The following TEC variants were observed in gnomAD, a reference collection of about 807,000 sequenced individuals.
The protein encoded by TEC is tec protein tyrosine kinase.
In TEC, 72 loss-of-function variants were observed where a neutral mutation model predicts 93.0. The ratio of observed to expected loss-of-function variants is 0.77; its 90% CI spans 0.64 to 0.94. TEC has a LOEUF of 0.94. Among genes scored for constraint, TEC ranks in the 40% least tolerant of loss-of-function variants. TEC has a pLI of 0.00. For missense variants in TEC, 630 were observed against 757.9 expected, an observed-to-expected ratio of 0.83 and a Z score of 1.98; for synonymous variants, 249 against 247.7, an observed-to-expected ratio of 1.01 and a Z score of -0.05.
intron 1 of TEC, among the ~76,000 whole-genome samples, chr4:48,246,726 T>C (rs1303115644): frequency 6.6e-6 from 1 of 152,216 alleles, no homozygotes; most frequent in Non-Finnish European, 1.5e-5. Flanking sequence ...TTTGGACCTC[T>C]ACCTCACACC....
intron 2 of TEC, among the ~76,000 whole-genome samples, chr4:48,209,645 A>C (rs1722831386): frequency 6.6e-6 from 1 of 152,184 alleles, no homozygotes; most frequent in African/African-American, 2.4e-5. Context: ...ATCAAGCTTG[A>C]TGATATATTA....
At chr4:48,178,943 T>C (rs1721441881) in intron 2 of TEC, among the ~76,000 whole-genome samples, 1 of 152,212 alleles carries the variant, frequency 6.6e-6, no homozygotes, top group Non-Finnish European at 1.5e-5. Flanking sequence ...AAGGCTGTTA[T>C]CGAAAACATT....
At chr4:48,160,884 C>T (rs887406126) in intron 8 of TEC, among the ~76,000 whole-genome samples, 4 of 90,856 alleles carry the variant, frequency 4.4e-5, no homozygotes, top group East Asian at 7.0e-4. Context: ...TCAAAAGCAG[C>T]GGGTTGAAAA....
chr4:48,140,451 C>T (rs1284443502), intron 15 of TEC, among the ~76,000 whole-genome samples: 1 of 152,184 alleles, frequency 6.6e-6, no homozygotes, highest in Non-Finnish European at 1.5e-5. Flanking sequence ...AAGTAGCCAC[C>T]CTCACTCTTG....
In TEC at chr4:48,252,426, T is replaced by C. The variant is rs181484384; in HGVS notation, c.-46+17326A>G. 2.0e-3 allele frequency among the ~76,000 whole-genome samples: 310 copies of C among 152,314 alleles called. 1 individual carries two copies. Among genetic ancestry groups the C allele is most frequent in the Non-Finnish European group, 3.6e-3 (244 of 68,030 alleles). Reference sequence around the variant, plus strand: ...ATTTTCAAGCATTTCAAGTTGTCCCTTCTTACCAAGAAAGAAATGAGCACA... The same window carrying C: ...ATTTTCAAGCATTTCAAGTTGTCCCCTCTTACCAAGAAAGAAATGAGCACA... On this transcript the variant is annotated intron_variant, in intron 1 of 17. Transcript: ENST00000381501.
In TEC at chr4:48,213,338, G is replaced by A. The variant is rs571304756; in HGVS notation, c.138+15139C>T. 6.6e-5 allele frequency among the ~76,000 whole-genome samples: 10 copies of A among 152,266 alleles called. No individual in the cohort carries two copies. The South Asian group carries it at 1.7e-3, about 25-fold the overall frequency. On this transcript the variant is annotated intron_variant, in intron 2 of 17. Coordinates refer to ENST00000381501, the MANE Select transcript of TEC (RefSeq NM_003215.3). ...GGGGCTTACCAATGTAGAATCATGCGAAACTTTGAGAAAGTTTTCTAATAT... is the reference window on the plus strand; with the variant it reads ...GGGGCTTACCAATGTAGAATCATGCAAAACTTTGAGAAAGTTTTCTAATAT...
intron 2 of TEC, among the ~76,000 whole-genome samples, chr4:48,217,547 C>G (rs1723122487): frequency 6.6e-6 from 1 of 152,126 alleles, no homozygotes; most frequent in Non-Finnish European, 1.5e-5. Context: ...TGGACTCTTA[C>G]GTGAAGTCAT....
At chr4:48,219,863 T>C (rs1723200433) in intron 2 of TEC, among the ~76,000 whole-genome samples, 1 of 152,142 alleles carries the variant, frequency 6.6e-6, no homozygotes, top group Non-Finnish European at 1.5e-5. Flanking sequence ...TATCTCTTTG[T>C]CTTGTGCCTT....
chr4:48,241,452 G>A (rs1723920359), intron 1 of TEC, among the ~76,000 whole-genome samples: 1 of 152,150 alleles, frequency 6.6e-6, no homozygotes, highest in African/African-American at 2.4e-5. Context: ...ACTGCAAGGA[G>A]AGAAATCACA....
intron 14 of TEC, among the ~76,000 whole-genome samples, chr4:48,143,611 A>G (rs1276546249): frequency 6.6e-6 from 1 of 152,214 alleles, no homozygotes; most frequent in Non-Finnish European, 1.5e-5. Context: ...TGAATATAAG[A>G]TAAGGTAAGT....
chr4:48,186,147 G>A (rs549823835), intron 2 of TEC, among the ~76,000 whole-genome samples: 6 of 152,354 alleles, frequency 3.9e-5, no homozygotes, highest in South Asian at 4.1e-4. Flanking sequence ...ACGGAGTCTC[G>A]CTCACTAGGT....
intron 1 of TEC, among the ~76,000 whole-genome samples, chr4:48,263,645 T>C (rs1479427596): frequency 6.6e-6 from 1 of 151,730 alleles, no homozygotes; most frequent in African/African-American, 2.4e-5. Context: ...ACCCAGGAGC[T>C]GAGATCATGC....
At chr4:48,184,907 C>T (rs1483188609) in intron 2 of TEC, among the ~76,000 whole-genome samples, 1 of 152,116 alleles carries the variant, frequency 6.6e-6, no homozygotes, top group Non-Finnish European at 1.5e-5. Context: ...CTGTGGCTAA[C>T]ATTCATTGCA....
chr4:48,186,780 C>T (rs1243069527), intron 2 of TEC, among the ~76,000 whole-genome samples: 5 of 150,972 alleles, frequency 3.3e-5, no homozygotes, highest in South Asian at 2.1e-4. Flanking sequence ...GGTCAGCCCC[C>T]GCCCTGCCAG....
Position 48,247,782 on chromosome 4 carries a change from G to A in TEC, c.-45-19123C>T, listed in dbSNP as rs959420184. ...TAATCTTCTGGAATTAGATAGTGGC[G>A]ATGACGCATAGCATCATAAATATAG... On this transcript the variant is annotated intron_variant, in intron 1 of 17. Transcript: ENST00000381501. Among the ~76,000 whole-genome samples the A allele has an allele frequency of 4.6e-5, 7 of 152,146 alleles. No homozygotes were observed. In the East Asian group the frequency reaches 1.2e-3, roughly 25 times the overall value.
At chr4:48,240,357 A>G (rs913661228) in intron 1 of TEC, among the ~76,000 whole-genome samples, 4 of 152,256 alleles carry the variant, frequency 2.6e-5, no homozygotes, top group African/African-American at 9.6e-5. Flanking sequence ...GGGAGGGGGA[A>G]AAAAGCACCA....
chr4:48,205,507 C>A (rs1457698505), intron 2 of TEC, among the ~76,000 whole-genome samples: 1 of 152,176 alleles, frequency 6.6e-6, no homozygotes, highest in Admixed American at 6.5e-5. Flanking sequence ...CATCACTGTC[C>A]CCTGCATTTT....
At chr4:48,170,492 C>T (rs148592955) in intron 4 of TEC, 116 bp from the exon 5 acceptor site, 107 of 736,028 alleles carry the variant, frequency 1.5e-4, no homozygotes, top group Admixed American at 2.1e-4. Flanking sequence ...ACTATAAGAA[C>T]GCCCTTAGAT....
At chr4:48,162,031 C>A (rs190819929) in intron 8 of TEC, among the ~76,000 whole-genome samples, 1 of 152,294 alleles carries the variant, frequency 6.6e-6, no homozygotes, top group African/African-American at 2.4e-5. Flanking sequence ...TTAATAAACT[C>A]CCTTTTATAT....
Sources: allele counts gnomAD v4.1 joint callset (sites outside exome capture counted in the v4.1 genomes callset), GRCh38; gene constraint gnomAD v4.1.1; transcripts MANE v1.5; gene names NCBI Gene and HGNC (gene_info 2026-07-23, HGNC 2026-07-21).